Variants in AFDN observed in about 807,000 individuals in gnomAD.
The protein encoded by AFDN is afadin.
A neutral mutation model predicts 216.6 loss-of-function variants in AFDN; 68 were observed. That is an observed-to-expected ratio of 0.31 (90% CI 0.26 to 0.38). AFDN has a LOEUF of 0.38. Ranked by LOEUF, AFDN falls within the 10% of genes least tolerant of loss-of-function variation. The pLI is 1.00. For synonymous variants in AFDN, 868 were observed against 853.7 expected, an observed-to-expected ratio of 1.02 and a Z score of -0.29; for missense variants, 2,136 against 2,342.0, an observed-to-expected ratio of 0.91 and a Z score of 1.82.
chr6:167,864,858 C>G (rs1307636576), intron 2 of AFDN, 112 bp downstream of exon 2: 1 of 1,124,962 alleles, frequency 8.9e-7, no homozygotes. Context: ...CATCTTTCTT[C>G]TCTTTTGGTG....
At chr6:167,865,029 C>G (rs1221417163) in intron 2 of AFDN, 3 of 518,086 alleles carry the variant, frequency 5.8e-6, no homozygotes, top group Non-Finnish European at 1.1e-5. Context: ...TCCAACATAT[C>G]TGGGTGTCAC....
At chr6:167,949,484 G>T (rs1320100550) in intron 29 of AFDN, among the ~76,000 whole-genome samples, 11 of 152,166 alleles carry the variant, frequency 7.2e-5, no homozygotes. Context: ...ACAGATGTTG[G>T]CTATCAGGAG....
At chr6:167,917,051 C>G (rs1424976526) in intron 19 of AFDN, 38 bp from the exon 20 acceptor site, 3 of 1,577,962 alleles carry the variant, frequency 1.9e-6, no homozygotes, top group African/African-American at 1.4e-5. Flanking sequence ...AATAACTTTA[C>G]AAGTGTGATA....
intron 21 of AFDN, 44 bp from the exon 22 acceptor site, chr6:167,922,812 C>A: frequency 1.5e-6 from 2 of 1,313,108 alleles, no homozygotes; most frequent in Non-Finnish European, 2.2e-6. Context: ...TTTATCTTGA[C>A]AAGATGTGCT....
chr6:167,887,372 GC>G (rs1169353615), intron 6 of AFDN, among the ~76,000 whole-genome samples: 1 of 150,054 alleles, frequency 6.7e-6, no homozygotes, highest in Non-Finnish European at 1.5e-5. Flanking sequence ...GTTTTCTTTT[GC>G]AAGATTAGGC....
chr6:167,842,555 GTA>G (rs34898641), intron 1 of AFDN, among the ~76,000 whole-genome samples: 139,488 of 151,790 alleles, frequency 0.92, 64,352 homozygotes, highest in African/African-American at 0.98. Flanking sequence ...CTGGGTCACA[GTA>G]TATACTCTGC....
At chr6:167,931,069 A>AC (rs764434827) in intron 23 of AFDN, among the ~76,000 whole-genome samples, 2 of 152,136 alleles carry the variant, frequency 1.3e-5, no homozygotes, top group African/African-American at 2.4e-5. Flanking sequence ...TGGAACAGAC[A>AC]CCCCGTGAAG....
At chr6:167,943,334 C>G in intron 24 of AFDN, 68 bp from the exon 25 acceptor site, 3 of 1,499,702 alleles carry the variant, frequency 2.0e-6, no homozygotes, top group Admixed American at 1.7e-5. Context: ...CTCATCATTA[C>G]CTTTTCTTCC....
Position 167,889,205 on chromosome 6 carries a change from G to T in AFDN, c.898-10G>T, listed in dbSNP as rs759838970. 5 of 1,599,352 alleles carry T rather than the reference G, an allele frequency of 3.1e-6. No homozygotes were observed. The highest frequency in any genetic ancestry group is 4.3e-6 in the Non-Finnish European group (5 of 1,169,218). ...GGCACATTCATAGTTAATTATTTTTGTTTTTTTAGGTTATGCTTCCTCCTG... is the reference window on the plus strand; with the variant it reads ...GGCACATTCATAGTTAATTATTTTTTTTTTTTTAGGTTATGCTTCCTCCTG... On this transcript the variant is annotated splice_polypyrimidine_tract_variant and intron_variant, in intron 6 of 33. Transcript: ENST00000683244.
chr6:167,851,775 C>T (rs1335312938), intron 1 of AFDN, among the ~76,000 whole-genome samples: 1 of 152,164 alleles, frequency 6.6e-6, no homozygotes, highest in Non-Finnish European at 1.5e-5. Context: ...GTATGACACA[C>T]CTGTTGCTTG....
rs538437901 is a variant in AFDN, at chr6:167,925,675, C to T, written c.3099+584C>T. Among the ~76,000 whole-genome samples, 3 of 152,238 alleles carry T rather than the reference C, an allele frequency of 2.0e-5. No individual in the cohort carries two copies. In the South Asian group the frequency reaches 6.2e-4, roughly 32 times the overall value. Reference sequence around the variant, plus strand: ...TCCTGGAATTCTTGGGGTTTGAATCCCTTCACCTGCTAGTTTTGGCAGGAT... The same window carrying T: ...TCCTGGAATTCTTGGGGTTTGAATCTCTTCACCTGCTAGTTTTGGCAGGAT... On this transcript the variant is annotated intron_variant, in intron 23 of 33. Transcript: ENST00000683244.
Position 167,917,202 on chromosome 6 carries a change from C to G in AFDN, c.2679C>G (p.His893Gln), listed in dbSNP as rs763065242. 2.4e-5 allele frequency: 39 copies of G among 1,607,936 alleles called. No individual in the cohort carries two copies. The highest frequency in any genetic ancestry group is 6.8e-6 in the Non-Finnish European group (8 of 1,178,220). Residue 893 changes from histidine to glutamine, a missense_variant, in exon 20 of 34, where the codon CAC becomes CAG. Transcript: ENST00000683244. ...TTCAAGCCTTATTACAGAACTATCA[C>G]TGTGCACCTGATGAGCCTTTTATCC... is the stretch of plus-strand genomic sequence containing the variant. ...LQLQALLQNY[H>Q]CAPDEPFIPT...
At chr6:167,893,835 G>A in intron 8 of AFDN, 27 bp from the exon 9 acceptor site, 1 of 1,562,358 alleles carries the variant, frequency 6.4e-7, no homozygotes, top group Non-Finnish European at 8.7e-7. Context: ...GCCTTCACCT[G>A]GGTCCTGGCA....
At chr6:167,860,159 CTTTTTTTT>C (rs370176215) in intron 1 of AFDN, among the ~76,000 whole-genome samples, 3 of 79,402 alleles carry the variant, frequency 3.8e-5, no homozygotes, top group Non-Finnish European at 7.0e-5. Context: ...TACAGCAATG[CTTTTTTTT>C]TTTTTTTTTT....
Position 167,904,532 on chromosome 6 carries a change from TACTTGACATATCC to T in AFDN, c.1650+2152_1650+2164del, listed in dbSNP as rs549956746. ...GCCCCGATTCATATCTCTAAAGGTTTACTTGACATATCCACTTGCATATCCTGTACATATTTCA... is the reference window on the plus strand; with the variant it reads ...GCCCCGATTCATATCTCTAAAGGTTTACTTGCATATCCTGTACATATTTCA... On this transcript the variant is annotated intron_variant, in intron 12 of 33. Transcript: ENST00000683244. Among the ~76,000 whole-genome samples the T allele has an allele frequency of 9.0e-4, 137 of 152,300 alleles. 1 individual carries two copies. Among genetic ancestry groups the T allele is most frequent in the Admixed American group, 2.9e-3 (44 of 15,302 alleles).
intron 1 of AFDN, among the ~76,000 whole-genome samples, chr6:167,840,363 C>T (rs993683019): frequency 6.6e-6 from 1 of 152,178 alleles, no homozygotes; most frequent in Non-Finnish European, 1.5e-5. Context: ...ATGGCCTTTG[C>T]CCTTTTGACA....
chr6:167,885,870 A>G (rs376546125), intron 6 of AFDN, among the ~76,000 whole-genome samples: 2 of 152,270 alleles, frequency 1.3e-5, no homozygotes, highest in South Asian at 4.1e-4. Flanking sequence ...AAAAGCAGTC[A>G]TCATAAACAA....
At position 167,943,934 on chromosome 6, in the gene AFDN, C is replaced by G; in HGVS notation, c.3240-7C>G. 3 of 1,613,178 alleles carry G rather than the reference C, an allele frequency of 1.9e-6. No individual in the cohort carries two copies. The highest frequency in any genetic ancestry group is 1.7e-6 in the Non-Finnish European group (2 of 1,179,156). ...TCTTTCTTACATGTGTAATCTTCTT[C>G]TCCTAGGGCGGCAGAACTCATGACA... On this transcript the variant is annotated splice_region_variant and splice_polypyrimidine_tract_variant and intron_variant, in intron 25 of 33. Transcript: ENST00000683244.
Position 167,952,082 on chromosome 6 carries a change from A to C in AFDN, c.4728A>C (p.Arg1576Ser). ...TGCTGGAGTGGCAGTTCCAGAAGAG[A>C]CTCCAGGAGTCGAAGCAGAAGGACG... ...KLMLEWQFQK[R>S]LQESKQKDED... The change falls in exon 30 of 34, where the codon AGA becomes AGC. Residue 1576 changes from arginine (R) to serine (S), a missense_variant. Coordinates refer to ENST00000683244, the MANE Select transcript of AFDN (RefSeq NM_001386888.1). The C allele has an allele frequency of 6.2e-7, 1 of 1,613,912 alleles. No homozygotes were observed. Among genetic ancestry groups the C allele is most frequent in the Non-Finnish European group, 8.5e-7 (1 of 1,179,946 alleles).
Sources: gnomAD v4.1 joint callset for allele counts (sites outside exome capture counted in the v4.1 genomes callset) on GRCh38, gnomAD v4.1.1 for gene constraint, MANE v1.5 for transcripts, NCBI Gene and HGNC (gene_info 2026-07-23, HGNC 2026-07-21) for gene names.